GPR107: variants seen among roughly 807,000 people sequenced by gnomAD.
The protein encoded by GPR107 is protein GPR107.
A neutral mutation model predicts 75.5 loss-of-function variants in GPR107; 31 were observed. The observed-to-expected ratio is 0.41, with a 90% CI of 0.31 to 0.55. The LOEUF (loss-of-function observed/expected upper bound fraction) is 0.55. Among genes scored for constraint, GPR107 ranks in the 20% least tolerant of loss-of-function variants. GPR107 has a pLI of 0.26. For synonymous variants in GPR107, 267 were observed against 251.3 expected (o/e 1.06, Z -0.59); for missense variants, 572 against 665.7 (o/e 0.86, Z 1.55).
At chr9:130,058,407 T>C (rs1270000650) in intron 1 of GPR107, among the ~76,000 whole-genome samples, 1 of 152,100 alleles carries the variant, frequency 6.6e-6, no homozygotes, top group Non-Finnish European at 1.5e-5. Context: ...TTTCTGTCTC[T>C]ATAAACCTAC....
chr9:130,125,176 G>A lies in GPR107; in HGVS notation c.1356+212G>A, dbSNP rs547923282. Among the ~76,000 whole-genome samples, 63 of 128,666 alleles carry A rather than the reference G, an allele frequency of 4.9e-4. No homozygotes were observed. The South Asian group carries it at 0.016, about 33-fold the overall frequency. 84.4% of individuals were successfully genotyped at this position (128,666 alleles called of 152,430 possible). On this transcript the variant is annotated intron_variant, in intron 15 of 17. Transcript: ENST00000347136. The stretch of plus-strand genomic sequence containing the variant: ...TGCAGTGGCACGATCTTCGCTCACT[G>A]CAATCTCCACTTCCCGGGTTCAAGC...
chr9:130,090,365 G>GAAA (rs1345681338), intron 7 of GPR107, among the ~76,000 whole-genome samples: 1 of 152,126 alleles, frequency 6.6e-6, no homozygotes, highest in Non-Finnish European at 1.5e-5. Context: ...AGGAAATATT[G>GAAA]ATTGGTTTTC....
At chr9:130,094,681 G>A (rs1436273494) in intron 9 of GPR107, among the ~76,000 whole-genome samples, 1 of 149,360 alleles carries the variant, frequency 6.7e-6, no homozygotes, top group Non-Finnish European at 1.5e-5. Context: ...GTTTGTTTTT[G>A]TTTTTTTTTG....
chr9:130,083,285 C>A (rs567675773), intron 5 of GPR107: 128 of 249,368 alleles, frequency 5.1e-4, no homozygotes, highest in African/African-American at 2.7e-3. Flanking sequence ...TTCCATGTGG[C>A]CTCTCTGGCA....
intron 7 of GPR107, among the ~76,000 whole-genome samples, chr9:130,088,417 C>A (rs942936695): frequency 6.6e-6 from 1 of 152,196 alleles, no homozygotes; most frequent in Non-Finnish European, 1.5e-5. Context: ...CTCTGTCTTT[C>A]CTTAGTATTA....
At chr9:130,100,773 G>T in intron 11 of GPR107, 71 bp downstream of exon 11, 4 of 1,133,422 alleles carry the variant, frequency 3.5e-6, no homozygotes, top group Non-Finnish European at 5.4e-6. Context: ...GCAACAACCT[G>T]CCCCAAGTTA....
intron 14 of GPR107, among the ~76,000 whole-genome samples, chr9:130,118,860 G>A (rs1017431940): frequency 6.6e-6 from 1 of 152,244 alleles, no homozygotes; most frequent in African/African-American, 2.4e-5. Flanking sequence ...TGGAGACAGA[G>A]GCAGCAGGCC....
At position 130,096,499 on chromosome 9, in the gene GPR107, C is replaced by T. The variant is rs954021591; in HGVS notation, c.864-2958C>T. ...TTTTTTTTTTTTTGAGACCTCGTCT[C>T]ACTCTGTGCCCCAGGCTGGAGTGCA... On this transcript the variant is annotated intron_variant, in intron 9 of 17. Transcript: ENST00000347136. 4.6e-5 allele frequency among the ~76,000 whole-genome samples: 6 copies of T among 131,160 alleles called. No homozygotes were observed. The Admixed American group carries it at 5.2e-4, about 11-fold the overall frequency. The allele number at this position is 131,160 out of a possible 152,430, so 86.0% of individuals were successfully genotyped here.
At chr9:130,124,157 G>A (rs12347344) in intron 14 of GPR107, among the ~76,000 whole-genome samples, 36,005 of 152,086 alleles carry the variant, frequency 0.24, 4,391 homozygotes, top group Non-Finnish European at 0.28. Context: ...CACCACCCAC[G>A]GTCCCATTCT....
chr9:130,098,622 A>G (rs917008162), intron 9 of GPR107, among the ~76,000 whole-genome samples: 11 of 152,286 alleles, frequency 7.2e-5, no homozygotes, highest in African/African-American at 2.4e-4. Flanking sequence ...GCTTTGGTGC[A>G]TAACTCTCAG....
At chr9:130,073,149 A>G (rs180805302) in intron 1 of GPR107, among the ~76,000 whole-genome samples, 5 of 152,338 alleles carry the variant, frequency 3.3e-5, no homozygotes, top group East Asian at 3.9e-4. Context: ...TTTGTTTTAC[A>G]TGAATATGGC....
chr9:130,128,767 A>C lies in GPR107; in HGVS notation c.1562+6A>C, dbSNP rs751388900. 2 of 1,613,560 alleles carry C rather than the reference A, an allele frequency of 1.2e-6. No homozygotes were observed. Among genetic ancestry groups the C allele is most frequent in the Non-Finnish European group, 1.7e-6 (2 of 1,179,470 alleles). The stretch of plus-strand genomic sequence containing the variant: ...GACTTGGAAATGGAGTCCGTGTAAG[A>C]AATCTTTCTTCCCTCTTCCTTAGCC... On this transcript the variant is annotated splice_donor_region_variant and intron_variant, in intron 17 of 17. Coordinates refer to ENST00000347136, the MANE Select transcript of GPR107 (RefSeq NM_020960.5).
chr9:130,062,099 G>A (rs1351945567), intron 1 of GPR107, among the ~76,000 whole-genome samples: 4 of 151,914 alleles, frequency 2.6e-5, no homozygotes, highest in Non-Finnish European at 5.9e-5. Context: ...TAGTTATGAG[G>A]ATTAGATAAA....
At chr9:130,114,984 A>G (rs1831386689) in intron 14 of GPR107, among the ~76,000 whole-genome samples, 1 of 152,204 alleles carries the variant, frequency 6.6e-6, no homozygotes, top group African/African-American at 2.4e-5. Context: ...ACTCTGTTGT[A>G]TCTGGGTGTG....
chr9:130,125,034 C>G, intron 15 of GPR107, 70 bp downstream of exon 15: 1 of 706,066 alleles, frequency 1.4e-6, no homozygotes, highest in South Asian at 1.8e-5. Context: ...AAATGAACTT[C>G]CAAAGGATTG....
At chr9:130,131,957 T>G (rs189800054) in intron 17 of GPR107, among the ~76,000 whole-genome samples, 16 of 152,268 alleles carry the variant, frequency 1.1e-4, no homozygotes, top group African/African-American at 3.9e-4. Flanking sequence ...CACAGCTCAC[T>G]GCAGGCTTGA....
chr9:130,104,359 C>G, intron 12 of GPR107, 61 bp from the exon 13 acceptor site: 1 of 1,540,664 alleles, frequency 6.5e-7, no homozygotes, highest in Non-Finnish European at 8.9e-7. Flanking sequence ...CACATTGGGG[C>G]TGCTAGCATC....
chr9:130,079,764 C>T lies in GPR107; in HGVS notation c.521C>T (p.Thr174Ile). 1 of 1,608,528 alleles carries T rather than the reference C, an allele frequency of 6.2e-7. No individual in the cohort carries two copies. The highest frequency in any genetic ancestry group is 8.5e-7 in the Non-Finnish European group (1 of 1,177,012). ...TCAGCAGGCAACCAGACCCAGAAGA[C>T]ACAAGGTAAACCGTAAGGTGGAAAC... ...PASAGNQTQK[T>I]QDGGKSKRST... Residue 174 changes from threonine (T) to isoleucine (I), a missense_variant, in exon 5 of 18, where the codon ACA becomes ATA. Thr to Ile is a moderately conservative substitution (Grantham distance 89). Coordinates refer to ENST00000347136, the MANE Select transcript of GPR107 (RefSeq NM_020960.5).
At chr9:130,107,611 G>T (rs967742243) in intron 14 of GPR107, 72 bp downstream of exon 14, 14 of 965,200 alleles carry the variant, frequency 1.5e-5, no homozygotes, top group Non-Finnish European at 2.0e-5. Flanking sequence ...CTGCGGAGGA[G>T]TGGAGGCAGC....
Sources: allele counts gnomAD v4.1 joint callset (sites outside exome capture counted in the v4.1 genomes callset), GRCh38; gene constraint gnomAD v4.1.1; transcripts MANE v1.5; gene names NCBI Gene and HGNC (gene_info 2026-07-23, HGNC 2026-07-21).